Variants in NAALADL2 observed in about 807,000 individuals in gnomAD.
NAALADL2 encodes the protein inactive N-acetylated-alpha-linked acidic dipeptidase-like protein 2.
Under a neutral mutation model 87.2 loss-of-function variants are expected in NAALADL2, and 76 were observed. The observed-to-expected ratio is 0.87, with a 90% CI of 0.72 to 1.05. The LOEUF is 1.05. NAALADL2 is among the 50% of genes least tolerant of loss of function. The probability of loss-of-function intolerance (pLI) is 0.00; values close to 1 mark genes in which losing one functional copy is unlikely to be tolerated. For synonymous variants in NAALADL2, 354 were observed against 331.0 expected (o/e 1.07, Z -0.75); for missense variants, 1,089 against 945.8 (o/e 1.15, Z -1.99).
intron 2 of NAALADL2, among the ~76,000 whole-genome samples, chr3:175,126,601 T>A (rs1475035520): frequency 6.6e-6 from 1 of 152,180 alleles, no homozygotes; most frequent in Non-Finnish European, 1.5e-5. Flanking sequence ...GAATTATATA[T>A]GATAATGGAG....
intron 1 of NAALADL2, among the ~76,000 whole-genome samples, chr3:174,870,592 T>TAA (rs56071821): frequency 3.8e-4 from 57 of 148,238 alleles, no homozygotes; most frequent in Admixed American, 1.4e-3. Flanking sequence ...AACAAAAAAA[T>TAA]AAAAAAAAAA....
At chr3:174,608,948 C>A (rs1162970729) in intron 2 of NAALADL2, among the ~76,000 whole-genome samples, 1 of 151,660 alleles carries the variant, frequency 6.6e-6, no homozygotes, top group Non-Finnish European at 1.5e-5. Flanking sequence ...AGCAGCACAT[C>A]AAAAAGCTTA....
chr3:174,791,830 A>C (rs1245488080), intron 3 of NAALADL2, among the ~76,000 whole-genome samples: 1 of 152,180 alleles, frequency 6.6e-6, no homozygotes, highest in Non-Finnish European at 1.5e-5. Context: ...GAGGACAAAA[A>C]TCATTATTCT....
chr3:174,828,180 A>G (rs886557962), intron 3 of NAALADL2, among the ~76,000 whole-genome samples: 5 of 152,088 alleles, frequency 3.3e-5, no homozygotes, highest in African/African-American at 9.7e-5. Context: ...ACAACACAAC[A>G]CAACACAACA....
intron 1 of NAALADL2, among the ~76,000 whole-genome samples, chr3:174,873,923 G>A (rs539865828): frequency 1.3e-5 from 2 of 152,018 alleles, no homozygotes; most frequent in South Asian, 4.1e-4. Context: ...AATGAAAAGG[G>A]TATTTCAAGA....
chr3:175,287,289 T>A (rs949663569), intron 4 of NAALADL2, among the ~76,000 whole-genome samples: 1 of 152,156 alleles, frequency 6.6e-6, no homozygotes, highest in Non-Finnish European at 1.5e-5. Context: ...TTTAAAAAAT[T>A]ATGAATAAAC....
chr3:175,566,754 A>AT, intron 9 of NAALADL2, among the ~76,000 whole-genome samples: 1 of 152,120 alleles, frequency 6.6e-6, no homozygotes, highest in African/African-American at 2.4e-5. Context: ...ATCTTCATTA[A>AT]TTTTTTTATA....
At chr3:175,465,363 G>A (rs1019121138) in intron 7 of NAALADL2, among the ~76,000 whole-genome samples, 1 of 151,294 alleles carries the variant, frequency 6.6e-6, no homozygotes, top group South Asian at 2.1e-4. Flanking sequence ...TTAGAATGCA[G>A]ACAATTCCAA....
chr3:175,694,812 G>A (rs1189671693), intron 11 of NAALADL2, among the ~76,000 whole-genome samples: 4 of 152,060 alleles, frequency 2.6e-5, no homozygotes, highest in Non-Finnish European at 2.9e-5. Context: ...CAGTCTCCCT[G>A]TTCAACTATC....
chr3:175,218,346 A>G (rs865953031), intron 2 of NAALADL2, among the ~76,000 whole-genome samples: 2 of 152,340 alleles, frequency 1.3e-5, no homozygotes, highest in African/African-American at 4.8e-5. Flanking sequence ...TGGCATGTCC[A>G]TCACATTATG....
At chr3:175,297,632 C>G (rs994646054) in intron 4 of NAALADL2, among the ~76,000 whole-genome samples, 1 of 152,164 alleles carries the variant, frequency 6.6e-6, no homozygotes, top group Non-Finnish European at 1.5e-5. Context: ...GTATTACCCA[C>G]TAACCATTGG....
chr3:175,574,494 C>T (rs958809611), intron 9 of NAALADL2, among the ~76,000 whole-genome samples: 3 of 152,144 alleles, frequency 2.0e-5, no homozygotes, highest in East Asian at 1.9e-4. Context: ...ATGCCCCAAA[C>T]GAGAACTCTG....
chr3:174,608,818 C>A (rs1719431417), intron 2 of NAALADL2, among the ~76,000 whole-genome samples: 3 of 151,122 alleles, frequency 2.0e-5, no homozygotes, highest in Admixed American at 1.3e-4. Context: ...TTTTATGAGG[C>A]CAGCATCATC....
chr3:174,633,565 T>C (rs1722351661), intron 2 of NAALADL2, among the ~76,000 whole-genome samples: 2 of 152,220 alleles, frequency 1.3e-5, no homozygotes, highest in Non-Finnish European at 2.9e-5. Context: ...AGTTTTTTAA[T>C]GCCTTGTGCT....
intron 2 of NAALADL2, among the ~76,000 whole-genome samples, chr3:175,119,928 G>T (rs2108557529): frequency 7.1e-6 from 1 of 141,614 alleles, no homozygotes; most frequent in African/African-American, 2.7e-5. Flanking sequence ...CATGGAGGAT[G>T]AATTATATGA....
At chr3:175,081,013 C>G (rs935612112) in intron 1 of NAALADL2, 9 of 152,180 alleles carry the variant, frequency 5.9e-5, no homozygotes, top group Non-Finnish European at 8.8e-5. Context: ...CCCTCTATCC[C>G]TCAGCTCTTC....
chr3:174,727,544 T>C (rs1350314623), intron 2 of NAALADL2, among the ~76,000 whole-genome samples: 1 of 152,134 alleles, frequency 6.6e-6, no homozygotes, highest in African/African-American at 2.4e-5. Flanking sequence ...TTTTATTCAC[T>C]TGTTAAAAAA....
At chr3:175,256,355 TGGC>T in intron 3 of NAALADL2, 53 bp from the exon 4 acceptor site, 1 of 1,511,480 alleles carries the variant, frequency 6.6e-7, no homozygotes, top group Non-Finnish European at 8.9e-7. Flanking sequence ...AATGGACAAT[TGGC>T]TATACTTCTT....
intron 2 of NAALADL2, among the ~76,000 whole-genome samples, chr3:174,673,102 A>T (rs891591594): frequency 7.2e-5 from 11 of 152,170 alleles, no homozygotes; most frequent in East Asian, 3.9e-4. Context: ...TAAAGAAAAG[A>T]TACATTTTTA....
Sources: allele counts gnomAD v4.1 joint callset (sites outside exome capture counted in the v4.1 genomes callset), GRCh38; gene constraint gnomAD v4.1.1; transcripts MANE v1.5; gene names NCBI Gene and HGNC (gene_info 2026-07-23, HGNC 2026-07-21).